LNPK: variants seen among roughly 807,000 people sequenced by gnomAD.
LNPK encodes the protein lunapark, ER junction formation factor.
Under a neutral mutation model 55.2 loss-of-function variants are expected in LNPK, and 29 were observed. The ratio of observed to expected loss-of-function variants is 0.53; its 90% CI spans 0.39 to 0.72. The LOEUF (loss-of-function observed/expected upper bound fraction) is 0.72. LNPK is among the 30% of genes least tolerant of loss of function. The pLI is 0.00. For synonymous variants in LNPK, 162 were observed against 168.2 expected (o/e 0.96, Z 0.29); for missense variants, 467 against 494.8 (o/e 0.94, Z 0.53).
At chr2:175,981,689 T>C (rs1020572294) in intron 4 of LNPK, among the ~76,000 whole-genome samples, 3 of 152,134 alleles carry the variant, frequency 2.0e-5, no homozygotes, top group African/African-American at 7.2e-5. Flanking sequence ...GAGCTGGAGA[T>C]TGGATAACAG....
At chr2:175,944,410 C>A (rs183060414) in intron 9 of LNPK, among the ~76,000 whole-genome samples, 1 of 151,582 alleles carries the variant, frequency 6.6e-6, no homozygotes, top group South Asian at 2.1e-4. Flanking sequence ...AAAATAATAA[C>A]AAAAATAAAG....
At chr2:175,968,957 G>T (rs554930851) in intron 6 of LNPK, among the ~76,000 whole-genome samples, 1 of 151,642 alleles carries the variant, frequency 6.6e-6, no homozygotes, top group East Asian at 1.9e-4. Flanking sequence ...GGCAGAGGTC[G>T]CAGTGACCCG....
At chr2:175,948,702 T>C (rs534979715) in intron 8 of LNPK, among the ~76,000 whole-genome samples, 1 of 152,316 alleles carries the variant, frequency 6.6e-6, no homozygotes, top group Admixed American at 6.5e-5. Context: ...TAATTTTTAA[T>C]TGGCATAAAT....
intron 12 of LNPK, among the ~76,000 whole-genome samples, chr2:175,932,973 C>G (rs1045926086): frequency 7.4e-5 from 11 of 148,908 alleles, no homozygotes; most frequent in African/African-American, 2.7e-4. Context: ...CAGTTTAAGA[C>G]TAAGACATGA....
intron 8 of LNPK, among the ~76,000 whole-genome samples, chr2:175,956,437 A>G (rs1389628288): frequency 6.6e-6 from 1 of 152,100 alleles, no homozygotes; most frequent in East Asian, 1.9e-4. Flanking sequence ...CCTGTTCTCC[A>G]ACCACTAACC....
At chr2:175,939,258 C>T (rs1392928762) in intron 10 of LNPK, among the ~76,000 whole-genome samples, 4 of 152,124 alleles carry the variant, frequency 2.6e-5, no homozygotes. Flanking sequence ...TAGAACCTAT[C>T]AGAGTTGAAC....
At chr2:175,962,179 T>C (rs1686072400) in intron 8 of LNPK, among the ~76,000 whole-genome samples, 1 of 152,228 alleles carries the variant, frequency 6.6e-6, no homozygotes. Flanking sequence ...CCAGTGACTT[T>C]CTTCGCAGAA....
At chr2:175,988,605 C>T (rs766408129) in intron 4 of LNPK, among the ~76,000 whole-genome samples, 2 of 150,978 alleles carry the variant, frequency 1.3e-5, no homozygotes, top group Non-Finnish European at 2.9e-5. Context: ...GCTTATTTAA[C>T]CACCAAAGAC....
chr2:175,929,409 T>C lies in LNPK; in HGVS notation c.*558A>G, dbSNP rs1684157898. ...CAACGTAGTTACAGTTCTACTTAAC[T>C]GTTCCACTGCATTCTTATTGAGAAT... On this transcript the variant is annotated 3_prime_UTR_variant, in exon 13 of 13. Coordinates refer to ENST00000272748, the MANE Select transcript of LNPK (RefSeq NM_030650.3). The C allele has an allele frequency of 1.0e-6, 1 of 985,924 alleles. No homozygotes were observed. The highest frequency in any genetic ancestry group is 1.2e-6 in the Non-Finnish European group (1 of 829,938). 61.1% of individuals were successfully genotyped at this position (985,924 alleles called of 1,614,324 possible). A position where few individuals can be genotyped will look rare whatever the true frequency, so the allele number is the denominator to read the frequency against.
chr2:175,964,281 A>T, intron 8 of LNPK, 91 bp downstream of exon 8: 1 of 954,970 alleles, frequency 1.0e-6, no homozygotes, highest in Non-Finnish European at 1.6e-6. Flanking sequence ...ATTCTACATA[A>T]GTTTTTGCAC....
intron 4 of LNPK, 101 bp downstream of exon 4, chr2:175,992,130 T>C (rs1687730848): frequency 7.0e-6 from 5 of 714,092 alleles, no homozygotes; most frequent in Non-Finnish European, 1.1e-5. Flanking sequence ...CAATCAGATA[T>C]TACCATTTAA....
At chr2:175,991,039 A>G (rs956781409) in intron 4 of LNPK, among the ~76,000 whole-genome samples, 3 of 152,208 alleles carry the variant, frequency 2.0e-5, no homozygotes, top group Non-Finnish European at 4.4e-5. Flanking sequence ...TATGAATCAT[A>G]ATAGCAAACC....
In LNPK at chr2:175,992,400, C is replaced by T. The variant is rs771503054; in HGVS notation, c.88G>A (p.Glu30Lys). ...AATCTCTGATTTTTTTCCCTAAATT[C>T]TTCCAATGCTTGAATTTCCTGTTAA... ...SIDKEIQALEEFREKNQRLQK... is the reference protein window; with the variant it reads ...SIDKEIQALEKFREKNQRLQK... Residue 30 changes from glutamate to lysine, a missense_variant, in exon 4 of 13, where the codon GAA becomes AAA. Glu to Lys is a moderately conservative substitution (Grantham distance 56). Coordinates refer to ENST00000272748, the MANE Select transcript of LNPK (RefSeq NM_030650.3). The T allele has an allele frequency of 6.6e-7, 1 of 1,504,354 alleles. No homozygotes were observed. Among genetic ancestry groups the T allele is most frequent in the East Asian group, 2.6e-5 (1 of 38,272 alleles). The allele number at this position is 1,504,354 out of a possible 1,614,324, so 93.2% of individuals were successfully genotyped here.
chr2:175,971,678 T>C (rs1219379125), intron 5 of LNPK, among the ~76,000 whole-genome samples: 3 of 152,094 alleles, frequency 2.0e-5, no homozygotes, highest in Non-Finnish European at 4.4e-5. Context: ...AACACAAACA[T>C]ATAAAAAGAT....
intron 9 of LNPK, chr2:175,940,864 G>A (rs773967828): frequency 5.1e-5 from 18 of 350,246 alleles, no homozygotes; most frequent in Admixed American, 8.1e-5. Context: ...ACAATGTCTA[G>A]TATAAAAAAA....
chr2:175,986,618 T>C (rs189961612), intron 4 of LNPK, among the ~76,000 whole-genome samples: 2 of 152,182 alleles, frequency 1.3e-5, no homozygotes, highest in East Asian at 3.9e-4. Context: ...AGCAGAAATT[T>C]TTCCTGGAAT....
intron 9 of LNPK, among the ~76,000 whole-genome samples, 171 bp downstream of exon 9, chr2:175,947,309 G>A (rs1324157006): frequency 6.6e-6 from 1 of 152,162 alleles, no homozygotes; most frequent in East Asian, 1.9e-4. Flanking sequence ...ATCACAAGGT[G>A]CCAGCTGTAA....
chr2:175,984,697 A>G (rs1481322706), intron 4 of LNPK, among the ~76,000 whole-genome samples: 2 of 152,200 alleles, frequency 1.3e-5, no homozygotes, highest in Non-Finnish European at 2.9e-5. Context: ...TCAAAATAGA[A>G]AAGAGTGATT....
intron 4 of LNPK, among the ~76,000 whole-genome samples, chr2:175,991,545 G>A (rs1186891019): frequency 6.6e-6 from 1 of 152,146 alleles, no homozygotes; most frequent in South Asian, 2.1e-4. Context: ...CCTATTAAAT[G>A]CTCCCATAGC....
Sources: gnomAD v4.1 joint callset for allele counts (sites outside exome capture counted in the v4.1 genomes callset) on GRCh38, gnomAD v4.1.1 for gene constraint, MANE v1.5 for transcripts, NCBI Gene and HGNC (gene_info 2026-07-23, HGNC 2026-07-21) for gene names.